GLRX3: variants seen among roughly 807,000 people sequenced by gnomAD.
The protein encoded by GLRX3 is glutaredoxin 3.
A neutral mutation model predicts 49.5 loss-of-function variants in GLRX3; 22 were observed. The observed-to-expected ratio is 0.44, with a 90% confidence interval of 0.32 to 0.63. The LOEUF (loss-of-function observed/expected upper bound fraction) is 0.63, where lower values mean the gene tolerates loss of function less well. Ranked by LOEUF, GLRX3 falls within the 30% of genes least tolerant of loss-of-function variation. GLRX3 has a pLI of 0.05. For missense variants in GLRX3, 385 were observed against 396.3 expected, an observed-to-expected ratio of 0.97 and a Z score of 0.24; for synonymous variants, 133 against 140.0, an observed-to-expected ratio of 0.95 and a Z score of 0.35.
At chr10:130,166,380 AAT>A (rs1862687605) in intron 4 of GLRX3, 125 bp from the exon 5 acceptor site, 4 of 634,684 alleles carry the variant, frequency 6.3e-6, no homozygotes, top group Non-Finnish European at 8.2e-6. Context: ...ATGCTAATTA[AAT>A]CACCAGCAAA....
intron 2 of GLRX3, among the ~76,000 whole-genome samples, chr10:130,154,261 A>G (rs1590063326): frequency 1.3e-5 from 2 of 152,318 alleles, no homozygotes; most frequent in East Asian, 3.9e-4. Flanking sequence ...TGGCTAGGAA[A>G]GGGAAATCCT....
intron 1 of GLRX3, among the ~76,000 whole-genome samples, chr10:130,138,583 T>C (rs1862110953): frequency 6.6e-6 from 1 of 152,094 alleles, no homozygotes; most frequent in Non-Finnish European, 1.5e-5. Flanking sequence ...GGGAAATTGT[T>C]ACGGAAAAAA....
At chr10:130,140,122 T>C (rs1862146628) in intron 1 of GLRX3, among the ~76,000 whole-genome samples, 1 of 152,214 alleles carries the variant, frequency 6.6e-6, no homozygotes, top group Non-Finnish European at 1.5e-5. Context: ...TTAATATCCA[T>C]TTGCAGAGTA....
intron 2 of GLRX3, among the ~76,000 whole-genome samples, chr10:130,154,080 C>T (rs1305241600): frequency 1.3e-5 from 2 of 152,210 alleles, no homozygotes; most frequent in African/African-American, 2.4e-5. Flanking sequence ...TGTCCTAGGT[C>T]GATCTCAGAC....
At chr10:130,174,106 G>A (rs1862867857) in intron 8 of GLRX3, among the ~76,000 whole-genome samples, 1 of 152,250 alleles carries the variant, frequency 6.6e-6, no homozygotes, top group Non-Finnish European at 1.5e-5. Flanking sequence ...TTCATTTTTT[G>A]TACAAGTAAT....
chr10:130,157,977 C>G (rs1238783909), intron 2 of GLRX3, among the ~76,000 whole-genome samples: 1 of 152,112 alleles, frequency 6.6e-6, no homozygotes, highest in Non-Finnish European at 1.5e-5. Context: ...TTCAGATGCC[C>G]TTGATGTTCT....
intron 10 of GLRX3, among the ~76,000 whole-genome samples, chr10:130,176,738 CTCCCTCCCTCCT>C (rs1455218536): frequency 5.6e-4 from 82 of 147,332 alleles, no homozygotes; most frequent in African/African-American, 1.7e-3. Flanking sequence ...TGTTTCTTCC[CTCCCTCCCTCCT>C]TCCCTCCCTC....
chr10:130,166,279 A>AC, intron 4 of GLRX3, among the ~76,000 whole-genome samples: 1 of 151,842 alleles, frequency 6.6e-6, no homozygotes, highest in East Asian at 1.9e-4. Context: ...CAGTTGTGTC[A>AC]AAAAGTTAAG....
At chr10:130,139,390 A>G (rs1371830855) in intron 1 of GLRX3, among the ~76,000 whole-genome samples, 1 of 151,974 alleles carries the variant, frequency 6.6e-6, no homozygotes, top group African/African-American at 2.4e-5. Flanking sequence ...CTGTAATCCC[A>G]GCACTTTGGG....
rs368028012 is a variant in GLRX3, at chr10:130,162,662, C to T, written c.478+1665C>T. Among the ~76,000 whole-genome samples, 543 of 152,304 alleles carry T rather than the reference C, an allele frequency of 3.6e-3. 3 individuals are homozygous for T. Among genetic ancestry groups the T allele is most frequent in the South Asian group, 0.017 (81 of 4,824 alleles). ...CAGTATTCTCTCCTTTGGGGTTGAA[C>T]AGCAGCAGTCTCAGTCTTTTCTGAA... On this transcript the variant is annotated intron_variant, in intron 4 of 10. Transcript: ENST00000331244.
At chr10:130,168,400 G>T (rs1459277469) in intron 6 of GLRX3, among the ~76,000 whole-genome samples, 4 of 152,164 alleles carry the variant, frequency 2.6e-5, no homozygotes, top group Admixed American at 2.6e-4. Context: ...ATACAGCTTT[G>T]TGCGTGATTG....
chr10:130,144,034 T>C (rs1554954971), intron 1 of GLRX3, among the ~76,000 whole-genome samples: 1 of 151,968 alleles, frequency 6.6e-6, no homozygotes, highest in Non-Finnish European at 1.5e-5. Flanking sequence ...TTAAAAAGTA[T>C]AAAAAAAAGT....
At chr10:130,163,730 A>C (rs1240599257) in intron 4 of GLRX3, among the ~76,000 whole-genome samples, 1 of 152,190 alleles carries the variant, frequency 6.6e-6, no homozygotes, top group Non-Finnish European at 1.5e-5. Flanking sequence ...AACATAAGTC[A>C]CCTCGACCCT....
chr10:130,169,443 C>T lies in GLRX3; in HGVS notation c.724C>T (p.Leu242=). Residue 242 remains leucine, a synonymous_variant, in exon 7 of 11, where the codon CTG becomes TTG. Transcript: ENST00000331244. The part of the protein sequence containing the change: ...APKLEERLKV[L]TNKASVMLFM... ...ATTTTCTCTCTTTAGGCTCAAAGTG[C>T]TGACAAATAAAGCTTCTGTGATGCT... 1 of 1,609,592 alleles carries T rather than the reference C, an allele frequency of 6.2e-7. No individual in the cohort carries two copies. The highest frequency in any genetic ancestry group is 8.5e-7 in the Non-Finnish European group (1 of 1,175,884).
At chr10:130,159,708 T>C in intron 2 of GLRX3, 2 of 679,766 alleles carry the variant, frequency 2.9e-6, no homozygotes, top group Non-Finnish European at 4.0e-6. Flanking sequence ...GATTGAAAAT[T>C]TACTAGGTCA....
At chr10:130,145,391 G>A (rs569548935) in intron 2 of GLRX3, 72 bp downstream of exon 2, 14 of 761,058 alleles carry the variant, frequency 1.8e-5, no homozygotes, top group South Asian at 7.3e-5. Context: ...GGCTGGGTGC[G>A]GTAGCTCACA....
intron 8 of GLRX3, among the ~76,000 whole-genome samples, chr10:130,173,238 A>G (rs1862848574): frequency 6.6e-6 from 1 of 152,160 alleles, no homozygotes; most frequent in African/African-American, 2.4e-5. Context: ...TTGGTGGAAC[A>G]TCTTGGTAAC....
intron 2 of GLRX3, among the ~76,000 whole-genome samples, chr10:130,157,074 T>A (rs1862484694): frequency 6.6e-6 from 1 of 152,102 alleles, no homozygotes; most frequent in Non-Finnish European, 1.5e-5. Flanking sequence ...ATCTCCTGTG[T>A]TAGTTAGGGT....
intron 4 of GLRX3, among the ~76,000 whole-genome samples, chr10:130,163,151 G>A (rs918381367): frequency 1.5e-4 from 23 of 152,122 alleles, no homozygotes; most frequent in Admixed American, 3.9e-4. Context: ...AGGGCTGGGC[G>A]TGGTGGCTCA....
Sources: gnomAD v4.1 joint callset for allele counts (sites outside exome capture counted in the v4.1 genomes callset) on GRCh38, gnomAD v4.1.1 for gene constraint, MANE v1.5 for transcripts, NCBI Gene and HGNC (gene_info 2026-07-23, HGNC 2026-07-21) for gene names.